The following MASP1 variants were observed in gnomAD, a reference collection of about 807,000 sequenced individuals.
MASP1 encodes the protein MBL associated serine protease 1.
MASP1 carries 59 observed loss-of-function variants against 77.1 expected under a neutral mutation model. The ratio of observed to expected loss-of-function variants is 0.77; its 90% CI spans 0.62 to 0.95. The LOEUF (loss-of-function observed/expected upper bound fraction) is 0.95, where lower values mean the gene tolerates loss of function less well. Among genes scored for constraint, MASP1 ranks in the 40% least tolerant of loss-of-function variants. The pLI is 0.00. For synonymous variants in MASP1, 362 were observed against 354.5 expected, an observed-to-expected ratio of 1.02 and a Z score of -0.24; for missense variants, 885 against 912.9, an observed-to-expected ratio of 0.97 and a Z score of 0.39.
chr3:187,220,306 A>G (rs1463287282), intron 15 of MASP1: 11 of 1,565,100 alleles, frequency 7.0e-6, no homozygotes, highest in Non-Finnish European at 9.6e-6. Flanking sequence ...GCCCCTTCCC[A>G]GCCCAAGTCT....
intron 10 of MASP1, among the ~76,000 whole-genome samples, chr3:187,238,474 TC>T (rs1553853026): frequency 6.6e-6 from 1 of 152,214 alleles, no homozygotes; most frequent in Non-Finnish European, 1.5e-5. Flanking sequence ...ATGGGGTCAT[TC>T]TTATTGGCTG....
At chr3:187,286,138 G>A in intron 1 of MASP1, 82 bp from the exon 2 acceptor site, 13 of 1,128,492 alleles carry the variant, frequency 1.2e-5, no homozygotes, top group Non-Finnish European at 1.6e-5. Context: ...AGGAGAACAA[G>A]ATCTCAGCAT....
At chr3:187,222,800 A>G (rs1038279582) in intron 14 of MASP1, among the ~76,000 whole-genome samples, 2 of 151,998 alleles carry the variant, frequency 1.3e-5, no homozygotes, top group Non-Finnish European at 2.9e-5. Context: ...TTTGGTGTAC[A>G]GTTCTCATGG....
At chr3:187,221,022 C>T (rs1453029689) in intron 15 of MASP1, 1 of 1,610,694 alleles carries the variant, frequency 6.2e-7, no homozygotes, top group Admixed American at 1.7e-5. Flanking sequence ...TGTATGCCAG[C>T]CTCTTAACCC....
At chr3:187,288,669 C>T (rs951294623) in intron 1 of MASP1, among the ~76,000 whole-genome samples, 6 of 152,304 alleles carry the variant, frequency 3.9e-5, no homozygotes, top group Middle Eastern at 3.4e-3. Flanking sequence ...GCTCCTAAAC[C>T]GGACTTCCCT....
chr3:187,217,664 C>T (rs1579449838), exon 16 of MASP1: 1 of 152,184 alleles, frequency 6.6e-6, no homozygotes, highest in South Asian at 2.1e-4. Flanking sequence ...GATACTCCAG[C>T]CCTCTGCTTC....
chr3:187,220,498 T>TTC (rs1553850049), intron 15 of MASP1, among the ~76,000 whole-genome samples: 2 of 139,942 alleles, frequency 1.4e-5, no homozygotes, highest in South Asian at 2.4e-4. Context: ...TTTTCTTTCT[T>TTC]TTTTTTTTTT....
rs1251864885 is a variant in MASP1, at chr3:187,234,338, GAAGGAGAA to G, written c.*1338_*1345del. On this transcript the variant is annotated 3_prime_UTR_variant, in exon 11 of 11. Transcript: ENST00000296280. ...TTTTCAGGAGAGAGAGCTCCAGGGAGAAGGAGAACAATCAGCCCTGTGAGGGCCAGAGA... is the reference window on the plus strand; with the variant it reads ...TTTTCAGGAGAGAGAGCTCCAGGGAGCAATCAGCCCTGTGAGGGCCAGAGA... The G allele has an allele frequency of 5.0e-5, 65 of 1,287,132 alleles. No homozygotes were observed. The highest frequency in any genetic ancestry group is 5.8e-5 in the Non-Finnish European group (57 of 988,716). The allele number at this position is 1,287,132 out of a possible 1,614,324, so 79.7% of individuals were successfully genotyped here.
In MASP1 at chr3:187,235,070, C is replaced by T. The variant is rs745983360; in HGVS notation, c.*614G>A. ...TTAATGGGGAACATAAGGGATAAGG[C>T]TTAGACTGCAAGAAGCTTTTGGGAG... is the stretch of plus-strand genomic sequence containing the variant. On this transcript the variant is annotated 3_prime_UTR_variant, in exon 11 of 11. Coordinates refer to ENST00000296280, the MANE Select transcript of MASP1 (RefSeq NM_139125.4). 2.3e-5 allele frequency: 29 copies of T among 1,287,130 alleles called. No individual in the cohort carries two copies. Among genetic ancestry groups the T allele is most frequent in the Non-Finnish European group, 2.6e-5 (26 of 988,718 alleles). 79.7% of individuals were successfully genotyped at this position (1,287,130 alleles called of 1,614,324 possible). A position where few individuals can be genotyped will look rare whatever the true frequency, so the allele number is the denominator to read the frequency against.
chr3:187,228,131 A>G (rs1341860169), intron 11 of MASP1, among the ~76,000 whole-genome samples: 1 of 152,090 alleles, frequency 6.6e-6, no homozygotes, highest in African/African-American at 2.4e-5. Flanking sequence ...ATCACAATAC[A>G]TGGTGGACAT....
chr3:187,232,189 C>T (rs759668337), downstream of MASP1, among the ~76,000 whole-genome samples: 6 of 152,092 alleles, frequency 3.9e-5, no homozygotes, highest in Non-Finnish European at 8.8e-5. Flanking sequence ...CTCCTCTTGG[C>T]TTCTGAAGCA....
chr3:187,244,985 G>C (rs778903116), intron 8 of MASP1: 1 of 152,262 alleles, frequency 6.6e-6, no homozygotes, highest in South Asian at 2.1e-4. Context: ...AAGTCCCTCC[G>C]GGTTGGAGGA....
downstream of MASP1, chr3:187,229,621 G>A (rs1372910613): frequency 3.5e-6 from 4 of 1,139,590 alleles, no homozygotes; most frequent in African/African-American, 3.1e-5. Flanking sequence ...ATCCAGTCTA[G>A]CCGAGAACTC....
intron 1 of MASP1, among the ~76,000 whole-genome samples, chr3:187,286,793 C>T (rs16861878): frequency 2.0e-5 from 3 of 152,210 alleles, no homozygotes; most frequent in African/African-American, 7.2e-5. Flanking sequence ...GTCTAACAGA[C>T]CGATTCCCCT....
intron 10 of MASP1, among the ~76,000 whole-genome samples, chr3:187,240,189 T>C (rs915318422): frequency 1.3e-5 from 2 of 151,966 alleles, no homozygotes; most frequent in Non-Finnish European, 2.9e-5. Flanking sequence ...GTTATGTCTT[T>C]ATCAGCAGTG....
chr3:187,282,648 G>A (rs551178209), intron 2 of MASP1, among the ~76,000 whole-genome samples: 7 of 152,316 alleles, frequency 4.6e-5, no homozygotes, highest in African/African-American at 7.2e-5. Flanking sequence ...CTGGGTGTGT[G>A]TAGGCAGGGG....
chr3:187,291,678 G>T lies in MASP1; in HGVS notation c.-46C>A, dbSNP rs372545548. On this transcript the variant is annotated 5_prime_UTR_variant, in exon 1 of 11. The change creates a new upstream start codon in the 5' untranslated region. Coordinates refer to ENST00000296280, the MANE Select transcript of MASP1 (RefSeq NM_139125.4). ...CGGCTGCCCGGCCTTGGTCCTCCCA[G>T]CTTGACTTGCCTGTGAGCTCGTGCC... 2 of 1,613,826 alleles carry T rather than the reference G, an allele frequency of 1.2e-6. No individual in the cohort carries two copies. The highest frequency in any genetic ancestry group is 1.7e-6 in the Non-Finnish European group (2 of 1,179,820).
intron 10 of MASP1, 144 bp from the exon 11 acceptor site, chr3:187,236,711 C>T: frequency 7.1e-7 from 1 of 1,412,980 alleles, no homozygotes; most frequent in Non-Finnish European, 9.8e-7. Flanking sequence ...TCATGCTAGC[C>T]TGGGAGAGCT....
intron 1 of MASP1, among the ~76,000 whole-genome samples, chr3:187,286,709 G>T (rs543757447): frequency 7.2e-5 from 11 of 152,296 alleles, no homozygotes; most frequent in Non-Finnish European, 1.3e-4. Flanking sequence ...CATGGCTGAC[G>T]CAATAACGAG....
Sources: gnomAD v4.1 joint callset for allele counts (sites outside exome capture counted in the v4.1 genomes callset) on GRCh38, gnomAD v4.1.1 for gene constraint, MANE v1.5 for transcripts, NCBI Gene and HGNC (gene_info 2026-07-23, HGNC 2026-07-21) for gene names.